Variants in GUCY2F observed in about 807,000 individuals in gnomAD.
GUCY2F encodes guanylate cyclase 2F, retinal, also known as retinal guanylyl cyclase 2.
A neutral mutation model predicts 73.1 loss-of-function variants in GUCY2F; 61 were observed. The observed-to-expected ratio is 0.83, with a 90% confidence interval of 0.68 to 1.03. GUCY2F has a LOEUF of 1.03. Among genes scored for constraint, GUCY2F ranks in the 50% least tolerant of loss-of-function variants. GUCY2F has a pLI of 0.00. For synonymous variants in GUCY2F, 331 were observed against 307.8 expected (o/e 1.08, Z -0.79); for missense variants, 912 against 854.3 (o/e 1.07, Z -0.84).
chrX:109,454,912 C>T (rs1743595793), intron 3 of GUCY2F, among the ~76,000 whole-genome samples: 1 of 110,879 alleles, frequency 9.0e-6, no homozygotes, highest in Non-Finnish European at 1.9e-5. Flanking sequence ...TTTGGTTTCA[C>T]AAGATCTAGA....
At chrX:109,386,773 A>C (rs1319200244) in intron 15 of GUCY2F, among the ~76,000 whole-genome samples, 1 of 111,986 alleles carries the variant, frequency 8.9e-6, no homozygotes, top group Admixed American at 9.5e-5. Flanking sequence ...TGTCTGATTG[A>C]CAACCATGAG....
chrX:109,379,576 G>A (rs984333283), intron 17 of GUCY2F, among the ~76,000 whole-genome samples: 7 of 112,090 alleles, frequency 6.2e-5, no homozygotes, highest in Non-Finnish European at 1.1e-4. Context: ...TAAACTGGCT[G>A]AAGAGCAGTC....
intron 1 of GUCY2F, among the ~76,000 whole-genome samples, chrX:109,480,283 T>C (rs1377318211): frequency 1.8e-5 from 2 of 111,654 alleles, no homozygotes; most frequent in African/African-American, 6.5e-5. Flanking sequence ...TGCACTAATA[T>C]GTAAATGAAT....
intron 7 of GUCY2F, among the ~76,000 whole-genome samples, chrX:109,440,892 C>T (rs1931851909): frequency 8.9e-6 from 1 of 112,125 alleles, no homozygotes. Flanking sequence ...AAATAAATAA[C>T]TGAATAAATT....
chrX:109,377,575 T>C (rs1930208473), intron 17 of GUCY2F, among the ~76,000 whole-genome samples: 1 of 112,045 alleles, frequency 8.9e-6, no homozygotes, highest in African/African-American at 3.2e-5. Flanking sequence ...ATACAGACAG[T>C]TGCCCAGTAA....
Position 109,465,385 on chromosome X carries a change from C to G in GUCY2F, c.789G>C (p.Leu263Phe). ...LIGGETQMHLLECAHDLKMTD... is the reference protein window; with the variant it reads ...LIGGETQMHLFECAHDLKMTD... ...TCATTTTCAGATCATGAGCACATTC[C>G]AAGAGATGCATCTGAGTCTCTCCCC... The change falls in exon 3 of 20, where the codon TTG becomes TTC. Residue 263 changes from leucine to phenylalanine, a missense_variant. Coordinates refer to ENST00000218006, the MANE Select transcript of GUCY2F (RefSeq NM_001522.3). The G allele has an allele frequency of 3.3e-6, 4 of 1,201,060 alleles. No homozygotes were observed. Among genetic ancestry groups the G allele is most frequent in the Non-Finnish European group, 4.5e-6 (4 of 886,011 alleles).
At chrX:109,444,715 T>C (rs758130155) in intron 6 of GUCY2F, among the ~76,000 whole-genome samples, 7 of 111,447 alleles carry the variant, frequency 6.3e-5, no homozygotes, top group African/African-American at 2.3e-4. Flanking sequence ...TATAGAGTGG[T>C]GGGAATTGTA....
chrX:109,436,798 G>C (rs1931757191), intron 7 of GUCY2F, among the ~76,000 whole-genome samples: 1 of 107,844 alleles, frequency 9.3e-6, no homozygotes, highest in African/African-American at 3.4e-5. Flanking sequence ...GGTGGGGGGA[G>C]TGGGGAGGGA....
At chrX:109,474,946 T>C (rs1036225675) in intron 2 of GUCY2F, among the ~76,000 whole-genome samples, 5 of 112,145 alleles carry the variant, frequency 4.5e-5, no homozygotes, top group African/African-American at 1.6e-4. Context: ...TTGACACCAT[T>C]CTTCACTCAG....
chrX:109,393,206 C>T, intron 12 of GUCY2F, 151 bp from the exon 13 acceptor site: 1 of 435,815 alleles, frequency 2.3e-6, no homozygotes, highest in Non-Finnish European at 4.0e-6. Flanking sequence ...CACCACCCAT[C>T]CTCACTGTCA....
chrX:109,469,983 T>C (rs1932542249), intron 2 of GUCY2F, among the ~76,000 whole-genome samples: 1 of 111,864 alleles, frequency 8.9e-6, no homozygotes, highest in African/African-American at 3.3e-5. Flanking sequence ...CTTACTTAAC[T>C]ACCACTGGTG....
rs1932182038 is a variant in GUCY2F, at chrX:109,453,505, C to G, written c.1387G>C (p.Gly463Arg). The G allele has an allele frequency of 4.2e-6, 5 of 1,177,620 alleles. No homozygotes were observed. Among genetic ancestry groups the G allele is most frequent in the Non-Finnish European group, 5.8e-6 (5 of 868,160 alleles). The change falls in exon 4 of 20, where the codon GGC (glycine) becomes CGC (arginine). Residue 463 changes from glycine (G) to arginine (R), a missense_variant and splice_region_variant. Physicochemically the swap from Gly to Arg is moderately radical, Grantham distance 125. Coordinates refer to ENST00000218006, the MANE Select transcript of GUCY2F (RefSeq NM_001522.3). The stretch of plus-strand genomic sequence containing the variant: ...CTACTAGTGATTTTGCATTCCTTAC[C>G]TCCATGGCAGATCTTCCCTTCTGCA... ...WFAEGKICHG[G>R]IDPAFAMMVC...
At chrX:109,411,141 G>A (rs1931098536) in intron 8 of GUCY2F, among the ~76,000 whole-genome samples, 1 of 108,864 alleles carries the variant, frequency 9.2e-6, no homozygotes, top group African/African-American at 3.4e-5. Context: ...ATTAATATAG[G>A]GAATTCAGGG....
chrX:109,391,213 CA>C (rs1273268733), intron 14 of GUCY2F, among the ~76,000 whole-genome samples: 1 of 111,605 alleles, frequency 9.0e-6, no homozygotes, highest in Non-Finnish European at 1.9e-5. Flanking sequence ...GGCATGGCAT[CA>C]AAATTAGTCA....
chrX:109,378,214 G>A (rs752938563), intron 17 of GUCY2F, among the ~76,000 whole-genome samples: 1 of 111,378 alleles, frequency 9.0e-6, no homozygotes, highest in East Asian at 2.8e-4. Context: ...CTCATTCTGC[G>A]AATGGGGACA....
chrX:109,465,480 C>A, intron 2 of GUCY2F, 37 bp from the exon 3 acceptor site: 1 of 1,031,442 alleles, frequency 9.7e-7, no homozygotes, highest in Non-Finnish European at 1.3e-6. Context: ...TGGAAGCAAA[C>A]TGTTAGTAAA....
At chrX:109,466,025 A>T (rs952323326) in intron 2 of GUCY2F, among the ~76,000 whole-genome samples, 5 of 111,623 alleles carry the variant, frequency 4.5e-5, no homozygotes, top group African/African-American at 6.5e-5. Flanking sequence ...ATGCACTCTA[A>T]TACATTTTGA....
chrX:109,380,925 G>C (rs1930289744), intron 17 of GUCY2F, among the ~76,000 whole-genome samples: 1 of 112,102 alleles, frequency 8.9e-6, no homozygotes, highest in African/African-American at 3.2e-5. Context: ...AGAATGTATA[G>C]AAGGATCACA....
intron 8 of GUCY2F, among the ~76,000 whole-genome samples, chrX:109,417,453 A>G (rs1329796914): frequency 9.0e-6 from 1 of 111,220 alleles, no homozygotes; most frequent in Non-Finnish European, 1.9e-5. Context: ...CATTTAAGCA[A>G]TTCCTAGGAC....
Sources: allele counts gnomAD v4.1 joint callset (sites outside exome capture counted in the v4.1 genomes callset), GRCh38; gene constraint gnomAD v4.1.1; transcripts MANE v1.5; gene names NCBI Gene and HGNC (gene_info 2026-07-23, HGNC 2026-07-21).